Variants in FZD6 observed in about 807,000 individuals in gnomAD.
The protein encoded by FZD6 is frizzled class receptor 6.
Under a neutral mutation model 61.4 loss-of-function variants are expected in FZD6, and 49 were observed. The ratio of observed to expected loss-of-function variants is 0.80; its 90% CI spans 0.63 to 1.01. The LOEUF (loss-of-function observed/expected upper bound fraction) is 1.01, where lower values mean the gene tolerates loss of function less well. Among genes scored for constraint, FZD6 ranks in the 50% least tolerant of loss-of-function variants. The probability of loss-of-function intolerance (pLI) is 0.00; values close to 1 mark genes in which losing one functional copy is unlikely to be tolerated. For synonymous variants in FZD6, 265 were observed against 292.2 expected, an observed-to-expected ratio of 0.91 and a Z score of 0.95; for missense variants, 724 against 848.2, an observed-to-expected ratio of 0.85 and a Z score of 1.82.
At chr8:103,320,329 A>T (rs1204254335) in intron 3 of FZD6, among the ~76,000 whole-genome samples, 1 of 141,942 alleles carries the variant, frequency 7.0e-6, no homozygotes, top group African/African-American at 2.6e-5. Context: ...TGTGGATCTC[A>T]TCTGGCCTGT....
In FZD6 at chr8:103,324,729, T is replaced by C. The variant is rs1330234377; in HGVS notation, c.623T>C (p.Phe208Ser). The change falls in exon 4 of 7, where the codon TTT becomes TCT. Residue 208 changes from phenylalanine (F) to serine (S), a missense_variant. Phe to Ser is a radical substitution (Grantham distance 155). Transcript: ENST00000358755. ...AGTTTTATTGGAACAGTTTCAATATTTTGTCTTTGTGCAACTCTGTTCACA... is the reference window on the plus strand; with the variant it reads ...AGTTTTATTGGAACAGTTTCAATATCTTGTCTTTGTGCAACTCTGTTCACA... Reference protein sequence around the residue: ...AKSFIGTVSIFCLCATLFTFL... With the variant: ...AKSFIGTVSISCLCATLFTFL... 6 of 1,613,978 alleles carry C rather than the reference T, an allele frequency of 3.7e-6. No homozygotes were observed. The East Asian group carries it at 1.3e-4, about 36-fold the overall frequency.
chr8:103,312,541 A>C (rs1814525456), intron 2 of FZD6, among the ~76,000 whole-genome samples: 1 of 152,226 alleles, frequency 6.6e-6, no homozygotes, highest in African/African-American at 2.4e-5. Context: ...GATGTGATGA[A>C]ATTCATAGCA....
intron 3 of FZD6, among the ~76,000 whole-genome samples, chr8:103,322,317 T>C (rs1814812479): frequency 6.6e-6 from 1 of 151,034 alleles, no homozygotes; most frequent in Non-Finnish European, 1.5e-5. Context: ...AGAGGATTGC[T>C]TGAGTCCAGG....
intron 2 of FZD6, among the ~76,000 whole-genome samples, chr8:103,306,567 C>T (rs1434923569): frequency 7.2e-6 from 1 of 139,448 alleles, no homozygotes; most frequent in Non-Finnish European, 1.5e-5. Context: ...GCAGTGGCGC[C>T]ATCTCGCTCA....
chr8:103,311,464 A>G (rs1265285723), intron 2 of FZD6, among the ~76,000 whole-genome samples: 1 of 152,086 alleles, frequency 6.6e-6, no homozygotes, highest in Non-Finnish European at 1.5e-5. Context: ...CTCTCTGGGA[A>G]CAGTGGTTCA....
At chr8:103,313,366 A>G (rs1238291860) in intron 2 of FZD6, among the ~76,000 whole-genome samples, 2 of 152,204 alleles carry the variant, frequency 1.3e-5, no homozygotes, top group African/African-American at 2.4e-5. Flanking sequence ...AACAATTTTA[A>G]TAAGAAATTG....
In FZD6 at chr8:103,323,834, C is replaced by T. The variant is rs377173635; in HGVS notation, c.375-647C>T. On this transcript the variant is annotated intron_variant, in intron 3 of 6. Coordinates refer to ENST00000358755, the MANE Select transcript of FZD6 (RefSeq NM_003506.4). ...GAGATGGAAATATCTCCATCTATCA[C>T]TCAGGACTGTCCATAAACAAGGGAG... is the stretch of plus-strand genomic sequence containing the variant. Among the ~76,000 whole-genome samples, 45 of 152,270 alleles carry T rather than the reference C, an allele frequency of 3.0e-4. 1 individual carries two copies. Among genetic ancestry groups the T allele is most frequent in the African/African-American group, 1.1e-3 (45 of 41,542 alleles).
chr8:103,303,987 T>A (rs1160190112), intron 2 of FZD6, among the ~76,000 whole-genome samples: 4 of 152,182 alleles, frequency 2.6e-5, no homozygotes, highest in African/African-American at 4.8e-5. Context: ...GAGTACTAAA[T>A]TATAGCTGCT....
chr8:103,328,124 G>C (rs1201869558), intron 4 of FZD6, 144 bp from the exon 5 acceptor site: 3 of 642,832 alleles, frequency 4.7e-6, no homozygotes, highest in Admixed American at 5.5e-5. Flanking sequence ...GTTGCACTTA[G>C]AGCATGCTTC....
At chr8:103,318,491 A>C in intron 2 of FZD6, 99 bp from the exon 3 acceptor site, 2 of 740,368 alleles carry the variant, frequency 2.7e-6, no homozygotes, top group Non-Finnish European at 4.8e-6. Context: ...ATTCTTTTGC[A>C]GTATAAGTGA....
intron 5 of FZD6, 111 bp downstream of exon 5, chr8:103,328,527 T>C (rs989900214): frequency 2.2e-6 from 2 of 917,016 alleles, no homozygotes; most frequent in African/African-American, 3.4e-5. Context: ...ATTATTTCAA[T>C]TTGATTTGCC....
chr8:103,330,899 C>T (rs1815099855), intron 6 of FZD6, among the ~76,000 whole-genome samples: 1 of 152,138 alleles, frequency 6.6e-6, no homozygotes, highest in African/African-American at 2.4e-5. Flanking sequence ...ATTATTTGGC[C>T]AGGCACGGTG....
intron 3 of FZD6, 139 bp downstream of exon 3, chr8:103,318,925 G>C: frequency 1.4e-6 from 1 of 691,938 alleles, no homozygotes; most frequent in East Asian, 2.7e-5. Flanking sequence ...GCACTATGGT[G>C]CTAAGTGCTG....
intron 2 of FZD6, among the ~76,000 whole-genome samples, chr8:103,310,471 C>T (rs1425867238): frequency 1.3e-5 from 2 of 152,042 alleles, no homozygotes; most frequent in Non-Finnish European, 2.9e-5. Context: ...TGCTATGTTG[C>T]CCCGGCTGGT....
intron 4 of FZD6, among the ~76,000 whole-genome samples, chr8:103,326,973 G>A (rs543190569): frequency 2.0e-5 from 3 of 152,098 alleles, no homozygotes; most frequent in South Asian, 2.1e-4. Context: ...TGTATGATAC[G>A]GCAAACATCT....
chr8:103,318,868 CATT>C, intron 3 of FZD6, 82 bp downstream of exon 3: 2 of 803,436 alleles, frequency 2.5e-6, no homozygotes, highest in South Asian at 1.4e-5. Context: ...GAGAAGCTTT[CATT>C]ATTTAATTCC....
chr8:103,309,819 A>G (rs1814443790), intron 2 of FZD6, among the ~76,000 whole-genome samples: 1 of 152,170 alleles, frequency 6.6e-6, no homozygotes, highest in African/African-American at 2.4e-5. Context: ...ACCCCATGTC[A>G]GTATGTCTTA....
At chr8:103,307,788 TAA>T (rs1814382765) in intron 2 of FZD6, 1 of 456,038 alleles carries the variant, frequency 2.2e-6, no homozygotes, top group African/African-American at 2.0e-5. Flanking sequence ...GAATTGATTA[TAA>T]GAGTAGCAGG....
At chr8:103,302,224 A>C (rs1224515615) in intron 2 of FZD6, among the ~76,000 whole-genome samples, 1 of 152,084 alleles carries the variant, frequency 6.6e-6, no homozygotes, top group African/African-American at 2.4e-5. Context: ...AGTGTATACT[A>C]TTGTGTTTTT....
Sources: allele counts gnomAD v4.1 joint callset (sites outside exome capture counted in the v4.1 genomes callset), GRCh38; gene constraint gnomAD v4.1.1; transcripts MANE v1.5; gene names NCBI Gene and HGNC (gene_info 2026-07-23, HGNC 2026-07-21).